The following HACD4 variants were observed in gnomAD, a reference collection of about 807,000 sequenced individuals.
HACD4 encodes very-long-chain (3R)-3-hydroxyacyl-CoA dehydratase 4.
Under a neutral mutation model 33.3 loss-of-function variants are expected in HACD4, and 35 were observed. The observed-to-expected ratio is 1.05, with a 90% CI of 0.80 to 1.39. The LOEUF (loss-of-function observed/expected upper bound fraction) is 1.39, where lower values mean the gene tolerates loss of function less well. HACD4 is among the 40% of genes most tolerant of loss of function. The pLI is 0.00. For synonymous variants in HACD4, 118 were observed against 98.0 expected (o/e 1.20, Z -1.21); for missense variants, 323 against 276.5 (o/e 1.17, Z -1.19).
At chr9:21,029,490 G>A in intron 1 of HACD4, 92 bp from the exon 2 acceptor site, 2 of 692,332 alleles carry the variant, frequency 2.9e-6, no homozygotes, top group South Asian at 2.3e-5. Context: ...GCCAACCTGA[G>A]AAAGCAAAAG....
intron 3 of HACD4, among the ~76,000 whole-genome samples, chr9:21,018,084 C>T (rs1161612111): frequency 1.3e-5 from 2 of 152,154 alleles, no homozygotes; most frequent in African/African-American, 2.4e-5. Flanking sequence ...CCTCTATATT[C>T]GGTGTCAATC....
chr9:21,029,252 A>C (rs1327918433), intron 2 of HACD4, 43 bp downstream of exon 2: 22 of 1,096,354 alleles, frequency 2.0e-5, no homozygotes, highest in Non-Finnish European at 3.0e-5. Flanking sequence ...GGTGAAAACA[A>C]GGATTAAAAG....
At chr9:21,016,782 C>CTTTT (rs11379547) in intron 3 of HACD4, among the ~76,000 whole-genome samples, 6 of 148,416 alleles carry the variant, frequency 4.0e-5, no homozygotes, top group Non-Finnish European at 7.4e-5. Flanking sequence ...AAACTTGTAG[C>CTTTT]TTTTTTTTTT....
chr9:21,010,456 AC>A (rs57375934), intron 5 of HACD4, among the ~76,000 whole-genome samples: 4,050 of 104,804 alleles, frequency 0.039, 342 homozygotes, highest in African/African-American at 0.059. Flanking sequence ...ACATCCTGGT[AC>A]CCCCCCCCCC....
Position 21,021,862 on chromosome 9 carries a change from G to A in HACD4, c.270+4734C>T, listed in dbSNP as rs571923308. Among the ~76,000 whole-genome samples the A allele has an allele frequency of 1.8e-4, 28 of 152,038 alleles. No homozygotes were observed. In the South Asian group the frequency reaches 3.3e-3, roughly 18 times the overall value. On this transcript the variant is annotated intron_variant, in intron 3 of 6. Coordinates refer to ENST00000495827, the MANE Select transcript of HACD4 (RefSeq NM_001010915.5). ...TCAAGCTACCAATGACTTTCTTCACGGAACTGGAAAAAACTACTTTAAAGT... is the reference window on the plus strand; with the variant it reads ...TCAAGCTACCAATGACTTTCTTCACAGAACTGGAAAAAACTACTTTAAAGT...
At chr9:21,010,988 G>T (rs887299313) in intron 5 of HACD4, among the ~76,000 whole-genome samples, 2 of 152,136 alleles carry the variant, frequency 1.3e-5, no homozygotes, top group Admixed American at 1.3e-4. Flanking sequence ...AGCTTCACCT[G>T]CTAGCCTACT....
chr9:21,025,651 T>G (rs2132798791), intron 3 of HACD4, among the ~76,000 whole-genome samples: 1 of 152,316 alleles, frequency 6.6e-6, no homozygotes, highest in East Asian at 1.9e-4. Context: ...ACAGAAAATC[T>G]TTATTTTTAT....
intron 5 of HACD4, among the ~76,000 whole-genome samples, chr9:21,010,517 T>C (rs1587826242): frequency 7.5e-6 from 1 of 134,098 alleles, no homozygotes; most frequent in South Asian, 2.4e-4. Context: ...CAAAGAATCA[T>C]ACAAATGTGT....
At chr9:21,027,330 C>T (rs1818088063) in intron 2 of HACD4, among the ~76,000 whole-genome samples, 1 of 152,144 alleles carries the variant, frequency 6.6e-6, no homozygotes, top group Admixed American at 6.5e-5. Flanking sequence ...ACATGAAATA[C>T]TGTGCACTTG....
At position 21,012,422 on chromosome 9, in the gene HACD4, C is replaced by G. The variant is rs75202438; in HGVS notation, c.384-727G>C. On this transcript the variant is annotated intron_variant, in intron 4 of 6. Coordinates refer to ENST00000495827, the MANE Select transcript of HACD4 (RefSeq NM_001010915.5). ...TGATGCCACTGGTCTAGGGACCACA[C>G]TTTGAGAACTACTAATATAGACAGA... Among the ~76,000 whole-genome samples, 35 of 152,280 alleles carry G rather than the reference C, an allele frequency of 2.3e-4. 1 individual carries two copies. In the East Asian group the frequency reaches 5.8e-3, roughly 25 times the overall value.
rs1554757227 is a variant in HACD4, at chr9:21,010,456, A to ACCCG, written c.490+1132_490+1133insCGGG. 1.9e-3 allele frequency among the ~76,000 whole-genome samples: 196 copies of ACCCG among 104,816 alleles called. 4 individuals carry two copies. The highest frequency in any genetic ancestry group is 2.8e-3 in the Non-Finnish European group (146 of 51,854). The allele number at this position is 104,816 out of a possible 152,430, so 68.8% of individuals were successfully genotyped here. On this transcript the variant is annotated intron_variant, in intron 5 of 6. Transcript: ENST00000495827. ...AAGAAACAGACTCAGACATCCTGGT[A>ACCCG]CCCCCCCCCCCCCCAGAGCTTACAG...
At chr9:21,011,870 T>C (rs1842447207) in intron 4 of HACD4, among the ~76,000 whole-genome samples, 175 bp from the exon 5 acceptor site, 2 of 152,216 alleles carry the variant, frequency 1.3e-5, no homozygotes, top group African/African-American at 4.8e-5. Flanking sequence ...ACCATGTCAA[T>C]CTGGCTTGTC....
intron 6 of HACD4, 147 bp from the exon 7 acceptor site, chr9:21,007,266 T>C: frequency 1.7e-6 from 1 of 601,382 alleles, no homozygotes; most frequent in African/African-American, 1.9e-5. Flanking sequence ...TTTAAAGAAG[T>C]GTCCAGATTT....
At chr9:21,011,205 A>G (rs1198590203) in intron 5 of HACD4, among the ~76,000 whole-genome samples, 1 of 152,204 alleles carries the variant, frequency 6.6e-6, no homozygotes, top group Non-Finnish European at 1.5e-5. Flanking sequence ...TACATAGTAA[A>G]TGGTAAGTGG....
rs1385558887 is a variant in HACD4, at chr9:21,003,245, G to C, written c.*3792C>G. On this transcript the variant is annotated 3_prime_UTR_variant, in exon 7 of 7. Coordinates refer to ENST00000495827, the MANE Select transcript of HACD4 (RefSeq NM_001010915.5). Reference sequence around the variant, plus strand: ...TTTTAAGAAGTTTTTAAGTTAATCTGGTTTTAAAAAATTAAAGCATTATTT... The same window carrying C: ...TTTTAAGAAGTTTTTAAGTTAATCTCGTTTTAAAAAATTAAAGCATTATTT... The C allele has an allele frequency of 6.6e-6, 1 of 151,814 alleles. No individual in the cohort carries two copies. The highest frequency in any genetic ancestry group is 1.5e-5 in the Non-Finnish European group (1 of 67,908). 9.4% of individuals were successfully genotyped at this position (151,814 alleles called of 1,614,324 possible). A position where few individuals can be genotyped will look rare whatever the true frequency, so the allele number is the denominator to read the frequency against.
rs143628268 is a variant in HACD4 at position 21,020,281 on chromosome 9, A to T, written c.271-4271T>A. On this transcript the variant is annotated intron_variant, in intron 3 of 6. Coordinates refer to ENST00000495827, the MANE Select transcript of HACD4 (RefSeq NM_001010915.5). ...TTGAATCATTTTAATTCAATTACAA[A>T]TGAAATATTGGCATTTAAAGCATTT... Among the ~76,000 whole-genome samples, 29 of 152,286 alleles carry T rather than the reference A, an allele frequency of 1.9e-4. 1 individual carries two copies. Among genetic ancestry groups the T allele is most frequent in the African/African-American group, 6.7e-4 (28 of 41,564 alleles).
chr9:21,007,136 A>G lies in HACD4; in HGVS notation c.617-17T>C, dbSNP rs1037757438. The G allele has an allele frequency of 1.6e-6, 2 of 1,283,348 alleles. No individual in the cohort carries two copies. Among genetic ancestry groups the G allele is most frequent in the Non-Finnish European group, 2.3e-6 (2 of 879,246 alleles). 79.5% of individuals were successfully genotyped at this position (1,283,348 alleles called of 1,614,324 possible). A position where few individuals can be genotyped will look rare whatever the true frequency, so the allele number is the denominator to read the frequency against. On this transcript the variant is annotated splice_polypyrimidine_tract_variant and intron_variant, in intron 6 of 6. Transcript: ENST00000495827. ...AATACATACCTAATATGGAGAAAGAAGTTGCAAAAGTAAGTAAGGTTAACT... is the reference window on the plus strand; with the variant it reads ...AATACATACCTAATATGGAGAAAGAGGTTGCAAAAGTAAGTAAGGTTAACT...
At chr9:21,024,652 C>T (rs1818017074) in intron 3 of HACD4, among the ~76,000 whole-genome samples, 1 of 152,206 alleles carries the variant, frequency 6.6e-6, no homozygotes, top group Non-Finnish European at 1.5e-5. Context: ...TTTCTAGGCA[C>T]ATTCAAGGTG....
At chr9:21,029,197 T>C in intron 2 of HACD4, 98 bp downstream of exon 2, 1 of 679,392 alleles carries the variant, frequency 1.5e-6, no homozygotes. Flanking sequence ...TAGAGAAGGA[T>C]ATTAGAAGGT....
Sources: gnomAD v4.1 joint callset for allele counts (sites outside exome capture counted in the v4.1 genomes callset) on GRCh38, gnomAD v4.1.1 for gene constraint, MANE v1.5 for transcripts, NCBI Gene and HGNC (gene_info 2026-07-23, HGNC 2026-07-21) for gene names.